Variants in KCNAB1 observed in about 807,000 individuals in gnomAD.
KCNAB1 encodes voltage-gated potassium channel subunit beta-1.
Under a neutral mutation model 64.6 loss-of-function variants are expected in KCNAB1, and 35 were observed. That is an observed-to-expected ratio of 0.54 (90% CI 0.41 to 0.72). The LOEUF (loss-of-function observed/expected upper bound fraction) is 0.72, where lower values mean the gene tolerates loss of function less well. KCNAB1 is among the 30% of genes least tolerant of loss of function. The pLI is 0.00. For missense variants in KCNAB1, 401 were observed against 512.9 expected (o/e 0.78, Z 2.11); for synonymous variants, 177 against 183.8 (o/e 0.96, Z 0.30).
At chr3:156,196,142 G>GTA (rs1713915103) in intron 1 of KCNAB1, among the ~76,000 whole-genome samples, 3 of 151,946 alleles carry the variant, frequency 2.0e-5, no homozygotes, top group Admixed American at 2.0e-4. Context: ...TTCCACTGGT[G>GTA]TATATATCTG....
intron 1 of KCNAB1, among the ~76,000 whole-genome samples, chr3:156,279,510 T>G (rs1231315851): frequency 6.6e-6 from 1 of 152,154 alleles, no homozygotes; most frequent in Non-Finnish European, 1.5e-5. Flanking sequence ...TCAAATGGTA[T>G]TTCCAGTTCT....
chr3:156,296,466 C>A (rs989644609), intron 1 of KCNAB1, among the ~76,000 whole-genome samples: 3 of 147,118 alleles, frequency 2.0e-5, no homozygotes, highest in South Asian at 2.2e-4. Context: ...TCAACTCCCC[C>A]CCCCCCCACC....
At chr3:156,539,024 TTA>T (rs1022373018), downstream of KCNAB1, 25 of 3,918 alleles carry the variant, frequency 6.4e-3, no homozygotes, top group Non-Finnish European at 9.6e-3. Flanking sequence ...TATTTCACAG[TTA>T]GTTAGTTAGT....
intron 1 of KCNAB1, among the ~76,000 whole-genome samples, chr3:156,338,058 T>C (rs1033798202): frequency 6.6e-6 from 1 of 152,106 alleles, no homozygotes; most frequent in Non-Finnish European, 1.5e-5. Flanking sequence ...CTGGGTGATA[T>C]ATGCTGCTGG....
intron 1 of KCNAB1, among the ~76,000 whole-genome samples, chr3:156,144,689 T>C (rs995544348): frequency 3.3e-5 from 5 of 152,058 alleles, no homozygotes; most frequent in African/African-American, 1.2e-4. Context: ...CCCTCAGTGG[T>C]GGTAGTGATG....
intron 1 of KCNAB1, among the ~76,000 whole-genome samples, chr3:156,364,046 T>C (rs6791462): frequency 0.038 from 5,758 of 152,302 alleles, 196 homozygotes; most frequent in African/African-American, 0.087. Flanking sequence ...ACTTGGCACT[T>C]TCTCAAAAAT....
intron 1 of KCNAB1, among the ~76,000 whole-genome samples, chr3:156,295,421 A>G (rs540771094): frequency 6.6e-6 from 1 of 152,232 alleles, no homozygotes; most frequent in Admixed American, 6.5e-5. Flanking sequence ...TTTACCACCC[A>G]TTAATCAATA....
At chr3:156,270,128 G>A (rs1208230719) in intron 1 of KCNAB1, among the ~76,000 whole-genome samples, 1 of 152,088 alleles carries the variant, frequency 6.6e-6, no homozygotes, top group Non-Finnish European at 1.5e-5. Context: ...GTGTTAGCCA[G>A]GATGGTCTCG....
At chr3:156,242,234 A>ATTC (rs955711381) in intron 1 of KCNAB1, among the ~76,000 whole-genome samples, 9 of 151,986 alleles carry the variant, frequency 5.9e-5, no homozygotes, top group Admixed American at 5.2e-4. Flanking sequence ...TATTATTATT[A>ATTC]TTTGCTACAT....
At chr3:156,360,592 T>C (rs550481498) in intron 1 of KCNAB1, among the ~76,000 whole-genome samples, 19 of 152,048 alleles carry the variant, frequency 1.2e-4, no homozygotes, top group Non-Finnish European at 1.3e-4. Context: ...CATTTGCCTG[T>C]AGTCCTGGCA....
chr3:156,366,646 C>T (rs1033966320), intron 1 of KCNAB1, among the ~76,000 whole-genome samples: 1 of 152,166 alleles, frequency 6.6e-6, no homozygotes, highest in Non-Finnish European at 1.5e-5. Context: ...TTTCCTGCAT[C>T]CCATCCCTTT....
At chr3:156,504,155 T>C (rs1385373846) in intron 8 of KCNAB1, among the ~76,000 whole-genome samples, 2 of 152,162 alleles carry the variant, frequency 1.3e-5, no homozygotes, top group African/African-American at 4.8e-5. Context: ...GTGAGATAAA[T>C]ATGAGTATTT....
At chr3:156,400,047 T>A (rs956112854) in intron 1 of KCNAB1, among the ~76,000 whole-genome samples, 45 of 152,026 alleles carry the variant, frequency 3.0e-4, no homozygotes, top group Non-Finnish European at 3.8e-4. Context: ...CACCTGAGAG[T>A]TGAGATGAAT....
rs1483020184 is a variant in KCNAB1, at chr3:156,523,987, C to T, written c.1081+40C>T. On this transcript the variant is annotated intron_variant, in intron 12 of 13. Coordinates refer to ENST00000490337, the MANE Select transcript of KCNAB1 (RefSeq NM_172160.3). ...AAGCTATGGGGTGGTAGAGGGACTT[C>T]TGCTGAGATCATAGTTTTCTATTGC... 6 of 1,586,718 alleles carry T rather than the reference C, an allele frequency of 3.8e-6. No homozygotes were observed. The East Asian group carries it at 1.1e-4, about 30-fold the overall frequency.
intron 1 of KCNAB1, chr3:156,143,200 T>C (rs1385938812): frequency 2.5e-6 from 4 of 1,611,234 alleles, no homozygotes; most frequent in Non-Finnish European, 3.4e-6. Context: ...TAAACCTGCC[T>C]GTGCAGACAT....
chr3:156,371,209 C>G (rs1479990933), intron 1 of KCNAB1, among the ~76,000 whole-genome samples: 3 of 152,104 alleles, frequency 2.0e-5, no homozygotes, highest in African/African-American at 7.2e-5. Flanking sequence ...CTCAAGGGGT[C>G]AAGGAAATTG....
chr3:156,186,873 A>G (rs575585927), intron 1 of KCNAB1, among the ~76,000 whole-genome samples: 10 of 142,900 alleles, frequency 7.0e-5, no homozygotes, highest in African/African-American at 1.8e-4. Flanking sequence ...CTTTCTGGAG[A>G]TGGAGTCTCA....
At chr3:156,150,922 G>A (rs2108294211) in intron 1 of KCNAB1, among the ~76,000 whole-genome samples, 1 of 152,266 alleles carries the variant, frequency 6.6e-6, no homozygotes, top group Admixed American at 6.5e-5. Context: ...ATTTTATAGA[G>A]CAAATTTTCT....
rs1712071477 is a variant in KCNAB1 at position 156,452,344 on chromosome 3, T to C, written c.320-555T>C. ...CCACTCTCACCCAAACCAGTGGAGA[T>C]TTCCATTCTGGAATGGCAGGTTATG... On this transcript the variant is annotated intron_variant, in intron 2 of 13. Coordinates refer to ENST00000490337, the MANE Select transcript of KCNAB1 (RefSeq NM_172160.3). The surrounding 1 kb of genome is among the most constrained non-coding windows in gnomAD (Gnocchi z 4.6). 6.6e-6 allele frequency among the ~76,000 whole-genome samples: 1 copy of C among 152,220 alleles called. No individual in the cohort carries two copies. The highest frequency in any genetic ancestry group is 6.5e-5 in the Admixed American group (1 of 15,284).
Sources: gnomAD v4.1 joint callset for allele counts (sites outside exome capture counted in the v4.1 genomes callset) on GRCh38, gnomAD v4.1.1 for gene constraint, Gnocchi (gnomAD v3.1) non-coding constraint, MANE v1.5 for transcripts, NCBI Gene and HGNC (gene_info 2026-07-23, HGNC 2026-07-21) for gene names.